The following DLEU7 variants were observed in gnomAD, a reference collection of about 807,000 sequenced individuals.
The protein encoded by DLEU7 is leukemia-associated protein 7.
DLEU7 carries 17 observed loss-of-function variants against 16.0 expected under a neutral mutation model. That is an observed-to-expected ratio of 1.06 (90% CI 0.73 to 1.59). DLEU7 has a LOEUF of 1.59. DLEU7 is among the 40% of genes most tolerant of loss of function. The pLI is 0.00. For synonymous variants in DLEU7, 113 were observed against 139.8 expected, an observed-to-expected ratio of 0.81 and a Z score of 1.35; for missense variants, 308 against 314.9, an observed-to-expected ratio of 0.98 and a Z score of 0.17.
At chr13:50,821,110 C>G (rs928926074), downstream of DLEU7, among the ~76,000 whole-genome samples, 1 of 151,990 alleles carries the variant, frequency 6.6e-6, no homozygotes, top group South Asian at 2.1e-4. Flanking sequence ...CTGGGAGCCA[C>G]GAGCTGAAGT....
At chr13:50,761,698 C>T (rs1475523349) in intron 1 of DLEU7, among the ~76,000 whole-genome samples, 2 of 152,092 alleles carry the variant, frequency 1.3e-5, no homozygotes, top group African/African-American at 2.4e-5. Context: ...GAATCATGGG[C>T]CCCAATCTGA....
chr13:50,827,671 A>C (rs1251513769), intron 1 of DLEU7, among the ~76,000 whole-genome samples: 1 of 152,234 alleles, frequency 6.6e-6, no homozygotes, highest in African/African-American at 2.4e-5. Flanking sequence ...TGGGCAACAG[A>C]GCGAGACCCT....
At chr13:50,784,871 C>G (rs935918222) in intron 1 of DLEU7, among the ~76,000 whole-genome samples, 5 of 152,204 alleles carry the variant, frequency 3.3e-5, no homozygotes, top group African/African-American at 1.2e-4. Flanking sequence ...CTAGAGCTGT[C>G]AGTTATCAAC....
intron 1 of DLEU7, among the ~76,000 whole-genome samples, chr13:50,756,093 C>A (rs1356661035): frequency 1.3e-5 from 2 of 152,154 alleles, no homozygotes; most frequent in African/African-American, 4.8e-5. Context: ...GCCACGGATA[C>A]CAGCACCTGT....
chr13:50,777,866 T>G (rs2137762906), intron 1 of DLEU7, among the ~76,000 whole-genome samples: 1 of 152,310 alleles, frequency 6.6e-6, no homozygotes, highest in Middle Eastern at 3.4e-3. Context: ...TTTCCTCCCC[T>G]GTATTAAGAA....
chr13:50,750,367 G>T (rs952711086), intron 1 of DLEU7, among the ~76,000 whole-genome samples: 1 of 152,180 alleles, frequency 6.6e-6, no homozygotes, highest in Non-Finnish European at 1.5e-5. Context: ...ATCAGGTAGT[G>T]TGATGCCTCC....
intron 1 of DLEU7, among the ~76,000 whole-genome samples, chr13:50,721,214 T>C (rs1432753167): frequency 1.3e-5 from 2 of 152,234 alleles, no homozygotes; most frequent in Non-Finnish European, 2.9e-5. Flanking sequence ...TCTTCAGCTT[T>C]TGGACTCTCG....
chr13:50,803,813 C>T (rs1168579468), intron 1 of DLEU7, among the ~76,000 whole-genome samples: 1 of 152,104 alleles, frequency 6.6e-6, no homozygotes, highest in Non-Finnish European at 1.5e-5. Flanking sequence ...CAGTGCTAGT[C>T]TACTATGTGA....
At chr13:50,744,962 A>G (rs1323431486) in intron 1 of DLEU7, among the ~76,000 whole-genome samples, 1 of 152,202 alleles carries the variant, frequency 6.6e-6, no homozygotes, top group Non-Finnish European at 1.5e-5. Context: ...TTGTCCACTG[A>G]TGATGGAAAT....
chr13:50,807,664 A>C (rs2137786847), intron 1 of DLEU7, among the ~76,000 whole-genome samples: 1 of 152,162 alleles, frequency 6.6e-6, no homozygotes, highest in East Asian at 1.9e-4. Flanking sequence ...AATCTGTTTC[A>C]GTAGGAGACC....
At chr13:50,837,552 C>G (rs1877511746) in intron 1 of DLEU7, among the ~76,000 whole-genome samples, 1 of 152,126 alleles carries the variant, frequency 6.6e-6, no homozygotes, top group Non-Finnish European at 1.5e-5. Flanking sequence ...CACCTTTTTT[C>G]TAATATAAAA....
chr13:50,786,881 T>C (rs1380575899), intron 1 of DLEU7, among the ~76,000 whole-genome samples: 1 of 152,188 alleles, frequency 6.6e-6, no homozygotes, highest in Non-Finnish European at 1.5e-5. Context: ...ATGCCATAAA[T>C]CACTGAGGTT....
intron 1 of DLEU7, among the ~76,000 whole-genome samples, chr13:50,805,567 T>C (rs1876364728): frequency 1.3e-5 from 2 of 152,336 alleles, no homozygotes; most frequent in South Asian, 4.1e-4. Context: ...ATTTTGCATC[T>C]ATCATATAAC....
intron 1 of DLEU7, among the ~76,000 whole-genome samples, chr13:50,814,386 T>C (rs1343701145): frequency 6.6e-6 from 1 of 152,000 alleles, no homozygotes; most frequent in African/African-American, 2.4e-5. Context: ...TCACTCATAT[T>C]TTTAGAGGAA....
At position 50,740,520 on chromosome 13, in the gene DLEU7, T is replaced by C. The variant is rs549694694; in HGVS notation, c.460-27280A>G. Among the ~76,000 whole-genome samples, 10 of 152,208 alleles carry C rather than the reference T, an allele frequency of 6.6e-5. No homozygotes were observed. In the South Asian group the frequency reaches 8.3e-4, roughly 13 times the overall value. On this transcript the variant is annotated intron_variant, in intron 1 of 1. Coordinates refer to the DLEU7 transcript ENST00000400393. ...GCATTGCTAATCACTTACAGAAAAC[T>C]TCACAAAACAGTATACCAGGCAGTC...
At chr13:50,821,240 G>C (rs192482633), downstream of DLEU7, among the ~76,000 whole-genome samples, 7 of 151,846 alleles carry the variant, frequency 4.6e-5, no homozygotes, top group Admixed American at 2.6e-4. Context: ...TTCAACCAAA[G>C]GGAAAAAAGG....
At chr13:50,832,844 G>A (rs1487964430) in intron 1 of DLEU7, among the ~76,000 whole-genome samples, 1 of 152,180 alleles carries the variant, frequency 6.6e-6, no homozygotes, top group Non-Finnish European at 1.5e-5. Flanking sequence ...TGGTCTGAGA[G>A]ACTGTTTGTA....
At chr13:50,820,492 G>C (rs1951856), downstream of DLEU7, among the ~76,000 whole-genome samples, 85,804 of 151,920 alleles carry the variant, frequency 0.56, 24,579 homozygotes, top group African/African-American at 0.66. Context: ...GGGCAGCCCT[G>C]CTTATAACAG....
intron 1 of DLEU7, among the ~76,000 whole-genome samples, chr13:50,765,158 C>T (rs1281116449): frequency 2.0e-5 from 3 of 152,110 alleles, no homozygotes; most frequent in Admixed American, 6.5e-5. Context: ...GCTGAGATTA[C>T]AGGCATGAGC....
Sources: allele counts gnomAD v4.1 joint callset (sites outside exome capture counted in the v4.1 genomes callset), GRCh38; gene constraint gnomAD v4.1.1; transcripts MANE v1.5; gene names NCBI Gene and HGNC (gene_info 2026-07-23, HGNC 2026-07-21).